Variants in GSG1L2 observed in about 807,000 individuals in gnomAD.
GSG1L2 encodes germ cell-specific gene 1-like protein 2.
Under a neutral mutation model 9.0 loss-of-function variants are expected in GSG1L2, and 15 were observed. The observed-to-expected ratio is 1.67, with a 90% confidence interval of 1.12 to 2.57. The LOEUF (loss-of-function observed/expected upper bound fraction) is 2.57, where lower values mean the gene tolerates loss of function less well. Among genes scored for constraint, GSG1L2 ranks in the 30% most tolerant of loss-of-function variants. The pLI, the probability that GSG1L2 is intolerant of heterozygous loss-of-function variation, is 0.00. For synonymous variants in GSG1L2, 127 were observed against 57.9 expected, an observed-to-expected ratio of 2.19 and a Z score of -5.41; for missense variants, 286 against 150.3, an observed-to-expected ratio of 1.90 and a Z score of -4.72.
chr17:9,806,310 C>A (rs1330957166), intron 4 of GSG1L2, among the ~76,000 whole-genome samples: 2 of 152,144 alleles, frequency 1.3e-5, no homozygotes, highest in Non-Finnish European at 2.9e-5. Context: ...AATGTTTTAT[C>A]TGCCCTGTGA....
rs2066494505 is a variant in GSG1L2, at chr17:9,800,953, T to C, written c.*1433A>G. On this transcript the variant is annotated 3_prime_UTR_variant, in exon 5 of 5. Transcript: ENST00000399363. The stretch of plus-strand genomic sequence containing the variant: ...TATCTCTCATATATGCTTAGCGCAA[T>C]GAAACACAAAATTCCACAGAAGCAG... Among the ~76,000 whole-genome samples, 1 of 152,216 alleles carries C rather than the reference T, an allele frequency of 6.6e-6. No homozygotes were observed. The highest frequency in any genetic ancestry group is 2.4e-5 in the African/African-American group (1 of 41,458).
chr17:9,808,601 G>A (rs2066525134), intron 3 of GSG1L2, among the ~76,000 whole-genome samples: 1 of 152,132 alleles, frequency 6.6e-6, no homozygotes, highest in African/African-American at 2.4e-5. Context: ...TGTGACAAAC[G>A]GATAAATTTC....
chr17:9,819,502 G>A (rs146336631), intron 1 of GSG1L2, among the ~76,000 whole-genome samples: 2 of 152,318 alleles, frequency 1.3e-5, no homozygotes, highest in African/African-American at 4.8e-5. Flanking sequence ...GTTAACTGTG[G>A]TTTCTCCTGA....
In GSG1L2 at chr17:9,808,920, T is replaced by C. The variant is rs2066526900; in HGVS notation, c.421A>G (p.Ile141Val). The C allele has an allele frequency of 2.8e-6, 2 of 702,904 alleles. No individual in the cohort carries two copies. Among genetic ancestry groups the C allele is most frequent in the Non-Finnish European group, 2.6e-6 (1 of 385,028 alleles). 43.5% of individuals were successfully genotyped at this position (702,904 alleles called of 1,614,324 possible). The part of the protein sequence containing the change: ...LDIVLILTSA[I>V]LLGSRVSCRS... ...CAACTCACTCTGGAGCCCAGGAGGA[T>C]GGCGCTTGTCAGTATCAGAACGATA... The change falls in exon 3 of 5, where the codon ATC (isoleucine) becomes GTC (valine). Residue 141 changes from isoleucine (I) to valine (V), a missense_variant. Coordinates refer to ENST00000399363, the MANE Select transcript of GSG1L2 (RefSeq NM_001310219.2).
intron 1 of GSG1L2, among the ~76,000 whole-genome samples, chr17:9,814,096 A>G (rs1056737650): frequency 6.6e-6 from 1 of 152,056 alleles, no homozygotes; most frequent in Non-Finnish European, 1.5e-5. Context: ...CACTATGCCC[A>G]GCTAATTTTT....
chr17:9,811,668 C>A (rs542632907), intron 1 of GSG1L2, among the ~76,000 whole-genome samples: 9 of 152,290 alleles, frequency 5.9e-5, no homozygotes, highest in African/African-American at 2.2e-4. Context: ...GTGGGAGGAG[C>A]CTGGGAAATC....
chr17:9,802,603 A>G lies in GSG1L2; in HGVS notation c.665T>C (p.Val222Ala). The G allele has an allele frequency of 1.4e-6, 1 of 702,660 alleles. No homozygotes were observed. Among genetic ancestry groups the G allele is most frequent in the Admixed American group, 2.0e-5 (1 of 49,990 alleles). 43.5% of individuals were successfully genotyped at this position (702,660 alleles called of 1,614,324 possible). The stretch of plus-strand genomic sequence containing the variant: ...TGCCGTGAACCTGCTCATGGCCGAG[A>G]CCGACACAGCCAGGCAGAGGGCGAA... ...GSFALCLAVSVSAMSRFTAAR... is the reference protein window; with the variant it reads ...GSFALCLAVSASAMSRFTAAR... The change falls in exon 5 of 5, where the codon GTC becomes GCC. Residue 222 changes from valine to alanine, a missense_variant. Physicochemically the swap from Val to Ala is moderately conservative, Grantham distance 64. Transcript: ENST00000399363.
chr17:9,809,786 G>A (rs2066532378), intron 2 of GSG1L2: 1 of 152,266 alleles, frequency 6.6e-6, no homozygotes, highest in Admixed American at 6.5e-5. Flanking sequence ...CTTGACCCAG[G>A]AAGTCTGGCT....
Position 9,818,093 on chromosome 17 carries a change from T to A in GSG1L2, c.310+3669A>T, listed in dbSNP as rs55868324. Among the ~76,000 whole-genome samples, 511 of 152,282 alleles carry A rather than the reference T, an allele frequency of 3.4e-3. 2 individuals are homozygous for A. Among genetic ancestry groups the A allele is most frequent in the African/African-American group, 0.011 (473 of 41,552 alleles). On this transcript the variant is annotated intron_variant, in intron 1 of 4. Coordinates refer to ENST00000399363, the MANE Select transcript of GSG1L2 (RefSeq NM_001310219.2). Reference sequence around the variant, plus strand: ...CTTCTGTGTAACTCAGTTCTTGCATTGCTATAAAGGAATACCTGAGGCTGG... The same window carrying A: ...CTTCTGTGTAACTCAGTTCTTGCATAGCTATAAAGGAATACCTGAGGCTGG...
At chr17:9,816,709 C>T in intron 1 of GSG1L2, among the ~76,000 whole-genome samples, 1 of 135,942 alleles carries the variant, frequency 7.4e-6, no homozygotes, top group African/African-American at 2.9e-5. Flanking sequence ...GCATGCGTGT[C>T]TGTGTGTATC....
At chr17:9,805,918 A>G (rs3848436) in intron 4 of GSG1L2, among the ~76,000 whole-genome samples, 20,036 of 152,156 alleles carry the variant, frequency 0.13, 1,684 homozygotes, top group Non-Finnish European at 0.2. Flanking sequence ...TTTCTGATGT[A>G]CACGTCACCA....
rs1326168883 is a variant in GSG1L2 at position 9,816,436 on chromosome 17, CTCTG to C, written c.310+5322_310+5325del. Among the ~76,000 whole-genome samples the C allele has an allele frequency of 5.3e-5, 6 of 112,406 alleles. No homozygotes were observed. The East Asian group carries it at 1.4e-3, about 27-fold the overall frequency. 73.7% of individuals were successfully genotyped at this position (112,406 alleles called of 152,430 possible). Reference sequence around the variant, plus strand: ...TGTGTCTGTGTGTGTGCGTGTGTCTCTCTGTGTGCGTGTGTCTGTGTGTGCGTCC... The same window carrying C: ...TGTGTCTGTGTGTGTGCGTGTGTCTCTGTGCGTGTGTCTGTGTGTGCGTCC... On this transcript the variant is annotated intron_variant, in intron 1 of 4. Transcript: ENST00000399363.
intron 3 of GSG1L2, 102 bp from the exon 4 acceptor site, chr17:9,807,703 G>A: frequency 1.5e-6 from 1 of 680,240 alleles, no homozygotes; most frequent in East Asian, 2.7e-5. Context: ...CATTCATAAA[G>A]TCCTTTTGAT....
At position 9,816,405 on chromosome 17, in the gene GSG1L2, T is replaced by TGC. The variant is rs1440832910; in HGVS notation, c.310+5356_310+5357insGC. 6.0e-4 allele frequency among the ~76,000 whole-genome samples: 87 copies of TGC among 146,082 alleles called. 1 individual carries two copies. The highest frequency in any genetic ancestry group is 1.8e-3 in the African/African-American group (73 of 40,374). ...GCGTGTGTGTCTGTGTCTGTGTGTG[T>TGC]GTGTGTGTGTCTGTGTGTGTGCGTG... On this transcript the variant is annotated intron_variant, in intron 1 of 4. Coordinates refer to ENST00000399363, the MANE Select transcript of GSG1L2 (RefSeq NM_001310219.2).
chr17:9,807,225 T>A (rs2066519221), intron 4 of GSG1L2, among the ~76,000 whole-genome samples: 2 of 152,194 alleles, frequency 1.3e-5, no homozygotes, highest in South Asian at 2.1e-4. Flanking sequence ...ATCAACAACG[T>A]CTCAATTTCT....
chr17:9,805,925 A>G (rs2066514718), intron 4 of GSG1L2, among the ~76,000 whole-genome samples: 1 of 152,132 alleles, frequency 6.6e-6, no homozygotes, highest in African/African-American at 2.4e-5. Flanking sequence ...TGTACACGTC[A>G]CCATGGTAAT....
At chr17:9,814,298 C>A (rs1264325888) in intron 1 of GSG1L2, among the ~76,000 whole-genome samples, 1 of 152,170 alleles carries the variant, frequency 6.6e-6, no homozygotes, top group Non-Finnish European at 1.5e-5. Context: ...TTTTATGGAC[C>A]TGGAGGAGAC....
At chr17:9,817,427 CTT>C (rs11334803) in intron 1 of GSG1L2, among the ~76,000 whole-genome samples, 1,524 of 137,722 alleles carry the variant, frequency 0.011, 27 homozygotes, top group African/African-American at 0.035. Context: ...TCCAACGAGG[CTT>C]TTTTTTTTTT....
chr17:9,802,320 G>A lies in GSG1L2; in HGVS notation c.*66C>T. On this transcript the variant is annotated 3_prime_UTR_variant, in exon 5 of 5. Transcript: ENST00000399363. ...TCCTGAAGTCCAACCCAGAGGCAGG[G>A]TGTACATTGTGAGTGTCAGTGCCTG... 1 of 605,332 alleles carries A rather than the reference G, an allele frequency of 1.7e-6. No individual in the cohort carries two copies. Among genetic ancestry groups the A allele is most frequent in the Non-Finnish European group, 3.0e-6 (1 of 337,034 alleles). The allele number at this position is 605,332 out of a possible 1,614,324, so 37.5% of individuals were successfully genotyped here.
Sources: gnomAD v4.1 joint callset for allele counts (sites outside exome capture counted in the v4.1 genomes callset) on GRCh38, gnomAD v4.1.1 for gene constraint, MANE v1.5 for transcripts, NCBI Gene and HGNC (gene_info 2026-07-23, HGNC 2026-07-21) for gene names.